Variants in DNAH9 observed in about 807,000 individuals in gnomAD.
DNAH9 encodes dynein axonemal heavy chain 9, also known as DNAH9 variant protein.
DNAH9 carries 345 observed loss-of-function variants against 471.6 expected under a neutral mutation model. The ratio of observed to expected loss-of-function variants is 0.73; its 90% confidence interval spans 0.67 to 0.80. The LOEUF is 0.80. Among genes scored for constraint, DNAH9 ranks in the 30% least tolerant of loss-of-function variants. DNAH9 has a pLI of 0.00. For missense variants in DNAH9, 5,407 were observed against 5,609.2 expected, an observed-to-expected ratio of 0.96 and a Z score of 1.15; for synonymous variants, 2,093 against 2,123.6, an observed-to-expected ratio of 0.99 and a Z score of 0.40.
At chr17:11,851,602 C>T (rs1971423443) in intron 49 of DNAH9, among the ~76,000 whole-genome samples, 2 of 152,112 alleles carry the variant, frequency 1.3e-5, no homozygotes, top group Admixed American at 1.3e-4. Flanking sequence ...GACCGTGTGC[C>T]TTCCAACATG....
Position 11,821,972 on chromosome 17 carries a change from TG to T in DNAH9, c.8761del (p.Val2921Ter), listed in dbSNP as rs1267006337. The T allele has an allele frequency of 8.1e-6, 13 of 1,613,888 alleles. No homozygotes were observed. Among genetic ancestry groups the T allele is most frequent in the Non-Finnish European group, 1.1e-5 (13 of 1,179,984 alleles). On this transcript the variant is annotated frameshift_variant, in exon 46 of 69. Transcript: ENST00000262442. LOFTEE classifies it high-confidence loss of function. ...DDEVENIISN[V>X]RNEVKSQGLV... ...ATGAAGTTGAAAACATCATAAGCAA[TG>T]TGAGGAATGAAGTCAAGAGCCAGGG...
rs373132147 is a variant in DNAH9 at position 11,783,674 on chromosome 17, G to A, written c.7747G>A (p.Glu2583Lys). The A allele has an allele frequency of 9.9e-6, 16 of 1,613,924 alleles. No homozygotes were observed. The African/African-American group carries it at 1.7e-4, about 18-fold the overall frequency. The change falls in exon 40 of 69, where the codon GAG becomes AAG. Residue 2583 changes from glutamate to lysine, a missense_variant. Transcript: ENST00000262442. ...TGATCGGAGCAAGCTGTCCCTAAAG[G>A]AGATCACAAATGTACAGTATGTTTC... is the stretch of plus-strand genomic sequence containing the variant. ...WYDRSKLSLK[E>K]ITNVQYVSCM...
intron 45 of DNAH9, among the ~76,000 whole-genome samples, chr17:11,817,216 C>G (rs192936836): frequency 2.0e-5 from 3 of 152,168 alleles, no homozygotes; most frequent in Middle Eastern, 3.4e-3. Flanking sequence ...AAACAAGTGA[C>G]GAGAATATTG....
chr17:11,940,309 C>T lies in DNAH9; in HGVS notation c.12661-1994C>T, dbSNP rs187370280. Among the ~76,000 whole-genome samples the T allele has an allele frequency of 5.1e-3, 783 of 152,316 alleles. 1 individual carries two copies. The highest frequency in any genetic ancestry group is 0.014 in the Middle Eastern group (4 of 294). ...CCTCTCCCTCCTCAGGCCCCCACAC[C>T]CTTTACAGCCTAATCAGAGATGAAC... is the stretch of plus-strand genomic sequence containing the variant. On this transcript the variant is annotated intron_variant, in intron 66 of 68. Coordinates refer to ENST00000262442, the MANE Select transcript of DNAH9 (RefSeq NM_001372.4).
chr17:11,727,413 T>G (rs2075173934), intron 27 of DNAH9, among the ~76,000 whole-genome samples: 2 of 152,144 alleles, frequency 1.3e-5, no homozygotes, highest in Non-Finnish European at 2.9e-5. Context: ...CTGGAAAACC[T>G]GGGTGGTTGG....
intron 50 of DNAH9, among the ~76,000 whole-genome samples, chr17:11,857,259 C>A (rs1416899604): frequency 6.6e-6 from 1 of 152,156 alleles, no homozygotes; most frequent in Non-Finnish European, 1.5e-5. Flanking sequence ...TTTTAAAATT[C>A]CTTGGCTACC....
At chr17:11,730,759 GTGA>G (rs59099864) in intron 28 of DNAH9, among the ~76,000 whole-genome samples, 4 of 151,100 alleles carry the variant, frequency 2.6e-5, no homozygotes, top group South Asian at 2.1e-4. Context: ...GGTGATGTTA[GTGA>G]TGATGATGAT....
chr17:11,912,170 A>G (rs1251821478), intron 61 of DNAH9, among the ~76,000 whole-genome samples: 1 of 152,098 alleles, frequency 6.6e-6, no homozygotes, highest in Admixed American at 6.6e-5. Flanking sequence ...GGTACACGCC[A>G]CCATGTCCAG....
chr17:11,629,589 G>A lies in DNAH9; in HGVS notation c.1518+5G>A. ...TGCCTGTACCTCCAAAGCACGGTAG[G>A]GTTGGGAAGGGCTGAATCGCCAGCT... On this transcript the variant is annotated splice_donor_5th_base_variant and intron_variant, in intron 7 of 68. Coordinates refer to ENST00000262442, the MANE Select transcript of DNAH9 (RefSeq NM_001372.4). 6.2e-7 allele frequency: 1 copy of A among 1,611,334 alleles called. No individual in the cohort carries two copies. Among genetic ancestry groups the A allele is most frequent in the Non-Finnish European group, 8.5e-7 (1 of 1,178,602 alleles).
intron 1 of DNAH9, 21 bp from the exon 2 acceptor site, chr17:11,608,108 T>C: frequency 7.1e-6 from 11 of 1,543,720 alleles, no homozygotes; most frequent in Non-Finnish European, 9.6e-6. Flanking sequence ...TGCCTTTCTT[T>C]CCTGTGCACC....
rs11658438 is a variant in DNAH9 at position 11,763,269 on chromosome 17, G to A, written c.6996-171G>A. Among the ~76,000 whole-genome samples the A allele has an allele frequency of 0.43, 65,754 of 151,766 alleles. 14,436 individuals carry two copies. The highest frequency in any genetic ancestry group is 0.52 in the East Asian group (2,656 of 5,140). On this transcript the variant is annotated intron_variant, in intron 35 of 68. Transcript: ENST00000262442. ...ACTTCCTTACAAAGGAAGCTGGCGC[G>A]AGAACAGCTGATGAGAATAAAGGCT...
At chr17:11,641,800 C>T (rs1383776214) in intron 10 of DNAH9, among the ~76,000 whole-genome samples, 1 of 151,994 alleles carries the variant, frequency 6.6e-6, no homozygotes, top group East Asian at 1.9e-4. Context: ...GATGTGTGTG[C>T]AGGAATTTAT....
chr17:11,748,886 C>G (rs1030823139), intron 32 of DNAH9, among the ~76,000 whole-genome samples: 2 of 152,046 alleles, frequency 1.3e-5, no homozygotes, highest in Non-Finnish European at 1.5e-5. Flanking sequence ...GGGTCAAACT[C>G]TCTGGATTTC....
chr17:11,646,041 G>A lies in DNAH9; in HGVS notation c.1971-1031G>A, dbSNP rs1409786189. Among the ~76,000 whole-genome samples the A allele has an allele frequency of 2.0e-5, 3 of 151,656 alleles. 1 individual carries two copies. Among genetic ancestry groups the A allele is most frequent in the African/African-American group, 7.3e-5 (3 of 41,230 alleles). On this transcript the variant is annotated intron_variant, in intron 11 of 68. Transcript: ENST00000262442. ...ACTACAGGTGCCCACCACCACACCC[G>A]GCTAATTTTTTGTATTTTTTGTAGA...
intron 49 of DNAH9, among the ~76,000 whole-genome samples, chr17:11,841,102 G>C (rs893079687): frequency 6.6e-6 from 1 of 152,156 alleles, no homozygotes; most frequent in African/African-American, 2.4e-5. Flanking sequence ...GCCAACCTTA[G>C]ATATTTTTAG....
At position 11,883,769 on chromosome 17, in the gene DNAH9, G is replaced by A. The variant is rs1349792382; in HGVS notation, c.10971+19G>A. 4 of 1,609,624 alleles carry A rather than the reference G, an allele frequency of 2.5e-6. No homozygotes were observed. In the African/African-American group the frequency reaches 4.0e-5, roughly 16 times the overall value. Reference sequence around the variant, plus strand: ...GAAAAAGGTAAAACTCCTCTGGCTAGTCTGGGAAGGCAGCCTAGGCTGGGG... The same window carrying A: ...GAAAAAGGTAAAACTCCTCTGGCTAATCTGGGAAGGCAGCCTAGGCTGGGG... On this transcript the variant is annotated intron_variant, in intron 56 of 68. Coordinates refer to ENST00000262442, the MANE Select transcript of DNAH9 (RefSeq NM_001372.4).
intron 12 of DNAH9, among the ~76,000 whole-genome samples, chr17:11,650,817 C>G (rs1450260267): frequency 6.6e-6 from 1 of 152,206 alleles, no homozygotes; most frequent in Non-Finnish European, 1.5e-5. Context: ...TCACACTTGT[C>G]TCTGTTCTCA....
intron 15 of DNAH9, 120 bp from the exon 16 acceptor site, chr17:11,668,944 C>G: frequency 1.4e-6 from 1 of 709,566 alleles, no homozygotes; most frequent in Non-Finnish European, 2.4e-6. Flanking sequence ...ATTTCCGTTT[C>G]CCTACAGTCT....
intron 48 of DNAH9, among the ~76,000 whole-genome samples, chr17:11,823,912 AGAGT>A (rs1316964175): frequency 6.6e-6 from 1 of 150,468 alleles, no homozygotes; most frequent in Non-Finnish European, 1.5e-5. Context: ...CCTGGGTGAT[AGAGT>A]GAGACTCCAT....
Sources: allele counts gnomAD v4.1 joint callset (sites outside exome capture counted in the v4.1 genomes callset), GRCh38; gene constraint gnomAD v4.1.1; transcripts MANE v1.5; gene names NCBI Gene and HGNC (gene_info 2026-07-23, HGNC 2026-07-21).